The following LINGO2 variants were observed in gnomAD, a reference collection of about 807,000 sequenced individuals.
The protein encoded by LINGO2 is leucine rich repeat and Ig domain containing 2.
LINGO2 carries 14 observed loss-of-function variants against 30.6 expected under a neutral mutation model. The observed-to-expected ratio is 0.46, with a 90% CI of 0.30 to 0.72. The LOEUF is 0.72. LINGO2 is among the 30% of genes least tolerant of loss of function. LINGO2 has a pLI of 0.07. For synonymous variants in LINGO2, 317 were observed against 288.5 expected (o/e 1.10, Z -1.00); for missense variants, 729 against 751.7 (o/e 0.97, Z 0.35).
At chr9:28,605,052 A>T (rs955534913) in intron 1 of LINGO2, among the ~76,000 whole-genome samples, 3 of 152,040 alleles carry the variant, frequency 2.0e-5, no homozygotes, top group Non-Finnish European at 4.4e-5. Context: ...CTTAGCCACT[A>T]AACTTGTACT....
the LINGO2 span, among the ~76,000 whole-genome samples, chr9:28,763,242 C>A: frequency 2.6e-5 from 4 of 152,024 alleles, no homozygotes; most frequent in African/African-American, 9.7e-5. Flanking sequence ...AGAATACACT[C>A]TTCCCAATTT....
intron 4 of LINGO2, among the ~76,000 whole-genome samples, chr9:28,128,092 G>T (rs1397182077): frequency 6.6e-6 from 1 of 152,164 alleles, no homozygotes; most frequent in Non-Finnish European, 1.5e-5. Flanking sequence ...TTAAAAGTCA[G>T]GCTTGCTTAA....
At chr9:28,376,893 C>A (rs770807711) in intron 2 of LINGO2, among the ~76,000 whole-genome samples, 9 of 152,112 alleles carry the variant, frequency 5.9e-5, no homozygotes, top group Non-Finnish European at 1.2e-4. Flanking sequence ...ATTTTCAGAA[C>A]ATTTTTGTGT....
At chr9:28,183,101 A>C (rs939668199) in intron 4 of LINGO2, among the ~76,000 whole-genome samples, 10 of 152,182 alleles carry the variant, frequency 6.6e-5, no homozygotes, top group African/African-American at 2.4e-4. Context: ...ATGTACATAC[A>C]CACCATAGAA....
At chr9:28,309,768 T>TA (rs1464590577) in intron 3 of LINGO2, among the ~76,000 whole-genome samples, 1 of 151,412 alleles carries the variant, frequency 6.6e-6, no homozygotes, top group Non-Finnish European at 1.5e-5. Context: ...GCAAGTTACA[T>TA]AAAAAACTCG....
At chr9:28,978,722 C>T in the LINGO2 span, among the ~76,000 whole-genome samples, 1 of 151,822 alleles carries the variant, frequency 6.6e-6, no homozygotes, top group Non-Finnish European at 1.5e-5. Context: ...TTAATCAATG[C>T]CAAGCATTAC....
the LINGO2 span, among the ~76,000 whole-genome samples, chr9:28,732,724 G>T: frequency 2.0e-5 from 3 of 152,164 alleles, no homozygotes; most frequent in East Asian, 5.8e-4. Context: ...GCAATGCCCA[G>T]TGCATTGTAA....
chr9:28,016,020 C>T (rs768763086), intron 4 of LINGO2, among the ~76,000 whole-genome samples: 40 of 132,098 alleles, frequency 3.0e-4, no homozygotes, highest in Non-Finnish European at 5.0e-4. Flanking sequence ...AAAAAGATAC[C>T]TCAGGGATAT....
intron 4 of LINGO2, among the ~76,000 whole-genome samples, chr9:28,044,192 G>T (rs1474271847): frequency 6.6e-6 from 1 of 152,128 alleles, no homozygotes; most frequent in African/African-American, 2.4e-5. Flanking sequence ...AGTTATTTTT[G>T]AACCTGAATG....
At chr9:27,941,109 T>C in the LINGO2 span, 2 of 152,132 alleles carry the variant, frequency 1.3e-5, no homozygotes, top group African/African-American at 4.8e-5. Context: ...TTCAAGAAAT[T>C]CTCTCTCTAG....
At chr9:28,286,595 G>A (rs1310875965) in intron 4 of LINGO2, among the ~76,000 whole-genome samples, 1 of 152,162 alleles carries the variant, frequency 6.6e-6, no homozygotes, top group African/African-American at 2.4e-5. Context: ...TAAAGAAAAT[G>A]TAGTACGTAT....
chr9:28,003,620 C>T (rs1010590485), intron 5 of LINGO2, among the ~76,000 whole-genome samples: 3 of 152,102 alleles, frequency 2.0e-5, no homozygotes, highest in Admixed American at 2.0e-4. Context: ...TGCCACCACA[C>T]CCGGCTAATT....
chr9:28,123,297 G>A (rs1389918550), intron 4 of LINGO2, among the ~76,000 whole-genome samples: 1 of 152,192 alleles, frequency 6.6e-6, no homozygotes, highest in Non-Finnish European at 1.5e-5. Flanking sequence ...GAAGAAAGAA[G>A]AACCTTAAAA....
intron 1 of LINGO2, among the ~76,000 whole-genome samples, chr9:28,496,569 G>C (rs898010903): frequency 6.6e-6 from 1 of 151,648 alleles, no homozygotes; most frequent in Non-Finnish European, 1.5e-5. Context: ...TGTGAGATGG[G>C]TCTCCTGAAT....
chr9:28,488,774 C>G (rs530605576), intron 1 of LINGO2, among the ~76,000 whole-genome samples: 1 of 152,240 alleles, frequency 6.6e-6, no homozygotes, highest in South Asian at 2.1e-4. Flanking sequence ...CTCATCAGAG[C>G]TATCTTTCCA....
At chr9:28,997,049 G>C in the LINGO2 span, among the ~76,000 whole-genome samples, 3 of 152,140 alleles carry the variant, frequency 2.0e-5, no homozygotes, top group South Asian at 6.2e-4. Flanking sequence ...TTTATCATCT[G>C]AAAATAGTTT....
At chr9:29,059,774 C>G in the LINGO2 span, among the ~76,000 whole-genome samples, 1 of 151,902 alleles carries the variant, frequency 6.6e-6, no homozygotes, top group Non-Finnish European at 1.5e-5. Flanking sequence ...GAAGAACATA[C>G]AAAAAGTATT....
chr9:27,994,047 A>T (rs1821532003), intron 5 of LINGO2, among the ~76,000 whole-genome samples: 1 of 152,160 alleles, frequency 6.6e-6, no homozygotes, highest in South Asian at 2.1e-4. Context: ...ATACTCCTGA[A>T]TGACCAATGA....
chr9:28,866,757 C>T, the LINGO2 span, among the ~76,000 whole-genome samples: 1 of 152,144 alleles, frequency 6.6e-6, no homozygotes, highest in African/African-American at 2.4e-5. Flanking sequence ...TTCTCTTACT[C>T]TTCTATCACC....
Sources: allele counts gnomAD v4.1 joint callset (sites outside exome capture counted in the v4.1 genomes callset), GRCh38; gene constraint gnomAD v4.1.1; transcripts MANE v1.5; gene names NCBI Gene and HGNC (gene_info 2026-07-23, HGNC 2026-07-21).